The following KIAA1217 variants were observed in gnomAD, a reference collection of about 807,000 sequenced individuals.
KIAA1217 encodes the protein KIAA1217.
In KIAA1217, 88 loss-of-function variants were observed where a neutral mutation model predicts 163.9. The ratio of observed to expected loss-of-function variants is 0.54; its 90% CI spans 0.45 to 0.64. The LOEUF (loss-of-function observed/expected upper bound fraction) is 0.64, where lower values mean the gene tolerates loss of function less well. KIAA1217 is among the 30% of genes least tolerant of loss of function. The pLI, the probability that KIAA1217 is intolerant of heterozygous loss-of-function variation, is 0.00. For missense variants in KIAA1217, 2,372 were observed against 2,475.0 expected (o/e 0.96, Z 0.88); for synonymous variants, 903 against 923.1 (o/e 0.98, Z 0.39).
chr10:24,372,026 CA>C (rs2051725014), intron 2 of KIAA1217, among the ~76,000 whole-genome samples: 2 of 152,026 alleles, frequency 1.3e-5, no homozygotes, highest in Non-Finnish European at 1.5e-5. Context: ...ATAAAGATGG[CA>C]ATAATAGACA....
intron 1 of KIAA1217, among the ~76,000 whole-genome samples, chr10:23,711,525 T>C (rs912184927): frequency 1.2e-4 from 18 of 152,190 alleles, no homozygotes; most frequent in Non-Finnish European, 8.8e-5. Flanking sequence ...TTCTGACCTA[T>C]AGAACTCTAA....
intron 2 of KIAA1217, among the ~76,000 whole-genome samples, chr10:24,360,551 C>G (rs1210335202): frequency 6.6e-6 from 1 of 152,122 alleles, no homozygotes. Flanking sequence ...ACATTCAGCC[C>G]GAGTTTGAAC....
At chr10:24,291,576 G>C (rs547825237) in intron 2 of KIAA1217, among the ~76,000 whole-genome samples, 33 of 152,242 alleles carry the variant, frequency 2.2e-4, no homozygotes, top group African/African-American at 7.7e-4. Flanking sequence ...ACCTCTCCCA[G>C]TCCTCTTTGG....
Position 24,335,507 on chromosome 10 carries a change from C to T in KIAA1217, c.355-45362C>T, listed in dbSNP as rs201692576. Among the ~76,000 whole-genome samples, 11 of 151,928 alleles carry T rather than the reference C, an allele frequency of 7.2e-5. No homozygotes were observed. In the East Asian group the frequency reaches 2.1e-3, roughly 29 times the overall value. On this transcript the variant is annotated intron_variant, in intron 2 of 20. Transcript: ENST00000376454. Reference sequence around the variant, plus strand: ...GATGAAAAAGATGATCTAAAATTATCTGCCATGATGGCACGAGCCTGTGAA... The same window carrying T: ...GATGAAAAAGATGATCTAAAATTATTTGCCATGATGGCACGAGCCTGTGAA...
chr10:23,843,083 A>G (rs952324829), intron 1 of KIAA1217, among the ~76,000 whole-genome samples: 1 of 152,154 alleles, frequency 6.6e-6, no homozygotes, highest in Non-Finnish European at 1.5e-5. Flanking sequence ...CTTCTCAAAT[A>G]TTATCAATGT....
chr10:23,860,115 C>T (rs1465729948), intron 1 of KIAA1217, among the ~76,000 whole-genome samples: 1 of 152,178 alleles, frequency 6.6e-6, no homozygotes, highest in Non-Finnish European at 1.5e-5. Context: ...ATGGCCTCCT[C>T]TTCAGAGCAG....
chr10:24,517,799 A>G (rs1000389822), intron 10 of KIAA1217, among the ~76,000 whole-genome samples: 11 of 152,212 alleles, frequency 7.2e-5, no homozygotes, highest in African/African-American at 2.7e-4. Context: ...GTTAGAGACC[A>G]GTCTGGCCAA....
intron 1 of KIAA1217, among the ~76,000 whole-genome samples, chr10:23,964,575 T>C (rs1844974089): frequency 6.6e-6 from 1 of 152,092 alleles, no homozygotes; most frequent in Admixed American, 6.6e-5. Flanking sequence ...AGTTGAATTT[T>C]TTTTTTTGTC....
chr10:24,288,163 C>G (rs2078740437), intron 2 of KIAA1217, among the ~76,000 whole-genome samples: 1 of 152,104 alleles, frequency 6.6e-6, no homozygotes, highest in South Asian at 2.1e-4. Context: ...ACTCATTTGC[C>G]AAGATGACTT....
At chr10:24,135,276 G>A (rs1038069325) in intron 2 of KIAA1217, among the ~76,000 whole-genome samples, 17 of 152,294 alleles carry the variant, frequency 1.1e-4, no homozygotes, top group African/African-American at 2.6e-4. Context: ...GAAAAATCAG[G>A]AAGATGAGAC....
chr10:24,526,199 G>A (rs943068094), intron 13 of KIAA1217, among the ~76,000 whole-genome samples: 19 of 152,100 alleles, frequency 1.2e-4, no homozygotes, highest in African/African-American at 4.6e-4. Flanking sequence ...AGGTCAGGTT[G>A]GGTATATCGA....
At chr10:24,151,580 C>T (rs375812577) in intron 2 of KIAA1217, among the ~76,000 whole-genome samples, 9 of 150,600 alleles carry the variant, frequency 6.0e-5, no homozygotes, top group African/African-American at 9.8e-5. Context: ...AGAGTTGATG[C>T]GTAAGAATTC....
intron 2 of KIAA1217, among the ~76,000 whole-genome samples, chr10:24,266,660 A>T (rs1448248101): frequency 6.6e-6 from 1 of 152,180 alleles, no homozygotes; most frequent in African/African-American, 2.4e-5. Flanking sequence ...AGCGCTCTGT[A>T]AAATGCACTA....
chr10:24,125,322 C>CTGTGTGTGTGTGTGTGTGTGTG (rs58143239), intron 2 of KIAA1217, among the ~76,000 whole-genome samples: 1 of 143,720 alleles, frequency 7.0e-6, no homozygotes, highest in Non-Finnish European at 1.5e-5. Context: ...ATCCTATGCT[C>CTGTGTGTGTGTGTGTGTGTGTG]TGTGTGTGTG....
At chr10:24,159,747 C>T (rs1377237394) in intron 2 of KIAA1217, among the ~76,000 whole-genome samples, 1 of 151,896 alleles carries the variant, frequency 6.6e-6, no homozygotes, top group Non-Finnish European at 1.5e-5. Context: ...CACGCCACTG[C>T]GCTCCAGCCT....
At chr10:24,264,058 C>T (rs1448227462) in intron 2 of KIAA1217, among the ~76,000 whole-genome samples, 1 of 152,046 alleles carries the variant, frequency 6.6e-6, no homozygotes, top group African/African-American at 2.4e-5. Context: ...GGGGTTTCGC[C>T]ACGTTGGCCA....
At chr10:23,962,463 A>G (rs781494189) in intron 1 of KIAA1217, among the ~76,000 whole-genome samples, 3 of 152,208 alleles carry the variant, frequency 2.0e-5, no homozygotes, top group African/African-American at 4.8e-5. Flanking sequence ...GAAATTTTCC[A>G]TAATAACACA....
At chr10:23,908,263 G>A (rs1333561197) in intron 1 of KIAA1217, among the ~76,000 whole-genome samples, 1 of 151,738 alleles carries the variant, frequency 6.6e-6, no homozygotes, top group African/African-American at 2.4e-5. Flanking sequence ...TTGGATGGAA[G>A]AGTCTATGGA....
At chr10:24,528,434 A>G (rs1190387689) in intron 14 of KIAA1217, among the ~76,000 whole-genome samples, 1 of 150,396 alleles carries the variant, frequency 6.6e-6, no homozygotes, top group Non-Finnish European at 1.5e-5. Context: ...CAATCCTCCC[A>G]CCTCAGCCTC....
Sources: gnomAD v4.1 joint callset for allele counts (sites outside exome capture counted in the v4.1 genomes callset) on GRCh38, gnomAD v4.1.1 for gene constraint, MANE v1.5 for transcripts, NCBI Gene and HGNC (gene_info 2026-07-23, HGNC 2026-07-21) for gene names.